The following FZD6 variants were observed in gnomAD, a reference collection of about 807,000 sequenced individuals.
FZD6 encodes frizzled class receptor 6.
Under a neutral mutation model 61.4 loss-of-function variants are expected in FZD6, and 49 were observed. The ratio of observed to expected loss-of-function variants is 0.80; its 90% CI spans 0.63 to 1.01. The LOEUF (loss-of-function observed/expected upper bound fraction) is 1.01. Among genes scored for constraint, FZD6 ranks in the 50% least tolerant of loss-of-function variants. The probability of loss-of-function intolerance (pLI) is 0.00; values close to 1 mark genes in which losing one functional copy is unlikely to be tolerated. For missense variants in FZD6, 724 were observed against 848.2 expected (o/e 0.85, Z 1.82); for synonymous variants, 265 against 292.2 (o/e 0.91, Z 0.95).
At chr8:103,319,350 G>C (rs746701443) in intron 3 of FZD6, among the ~76,000 whole-genome samples, 3 of 152,136 alleles carry the variant, frequency 2.0e-5, no homozygotes, top group Non-Finnish European at 4.4e-5. Flanking sequence ...TGCAAGATAA[G>C]GAAAGAGAGA....
chr8:103,315,291 T>C (rs914945663), intron 2 of FZD6, among the ~76,000 whole-genome samples: 24 of 152,322 alleles, frequency 1.6e-4, no homozygotes, highest in African/African-American at 5.8e-4. Context: ...ATTTAAAGTC[T>C]CACTTCTACG....
At position 103,331,638 on chromosome 8, in the gene FZD6, G is replaced by T; in HGVS notation, c.*129G>T. 1 of 708,290 alleles carries T rather than the reference G, an allele frequency of 1.4e-6. No individual in the cohort carries two copies. Among genetic ancestry groups the T allele is most frequent in the South Asian group, 1.5e-5 (1 of 64,988 alleles). 43.9% of individuals were successfully genotyped at this position (708,290 alleles called of 1,614,324 possible). ...AGTTGCATTGCCTACTGTTATACTGGAAAAAATAGAGTTCAAGAATAATAT... is the reference window on the plus strand; with the variant it reads ...AGTTGCATTGCCTACTGTTATACTGTAAAAAATAGAGTTCAAGAATAATAT... On this transcript the variant is annotated 3_prime_UTR_variant, in exon 7 of 7. Coordinates refer to ENST00000358755, the MANE Select transcript of FZD6 (RefSeq NM_003506.4).
Position 103,329,838 on chromosome 8 carries a change from T to G in FZD6, c.1725T>G (p.Ile575Met), listed in dbSNP as rs1815069330. Residue 575 changes from isoleucine to methionine, a missense_variant, in exon 6 of 7, where the codon ATT (isoleucine) becomes ATG (methionine). Ile to Met is a conservative substitution (Grantham distance 10). Coordinates refer to ENST00000358755, the MANE Select transcript of FZD6 (RefSeq NM_003506.4). ...TANHGTSAVA[I>M]TSHDYLGQET... is the part of the protein sequence containing the mutation. ...ATCATGGCACTTCTGCAGTAGCAATTACTAGCCATGATTACCTAGGACAAG... is the reference window on the plus strand; with the variant it reads ...ATCATGGCACTTCTGCAGTAGCAATGACTAGCCATGATTACCTAGGACAAG... 1 of 1,613,812 alleles carries G rather than the reference T, an allele frequency of 6.2e-7. No individual in the cohort carries two copies. The highest frequency in any genetic ancestry group is 8.5e-7 in the Non-Finnish European group (1 of 1,179,688).
Position 103,306,494 on chromosome 8 carries a change from C to CT in FZD6, c.177+6237dup, listed in dbSNP as rs71292793. 9.3e-3 allele frequency among the ~76,000 whole-genome samples: 610 copies of CT among 65,242 alleles called. 67 individuals are homozygous for CT. The highest frequency in any genetic ancestry group is 0.023 in the African/African-American group (373 of 16,138). 42.8% of individuals were successfully genotyped at this position (65,242 alleles called of 152,430 possible). ...CCTGTTGTTTTGCTAAGGTTCATCA[C>CT]TTTTTTTTTTTTTTTTTTTTTTTTT... On this transcript the variant is annotated intron_variant, in intron 2 of 6. Coordinates refer to ENST00000358755, the MANE Select transcript of FZD6 (RefSeq NM_003506.4).
At position 103,325,129 on chromosome 8, in the gene FZD6, G is replaced by T. The variant is rs1215635668; in HGVS notation, c.1023G>T (p.Met341Ile). 1 of 1,614,150 alleles carries T rather than the reference G, an allele frequency of 6.2e-7. No homozygotes were observed. The highest frequency in any genetic ancestry group is 8.5e-7 in the Non-Finnish European group (1 of 1,179,994). The change falls in exon 4 of 7, where the codon ATG becomes ATT. Residue 341 changes from methionine (M) to isoleucine (I), a missense_variant. Coordinates refer to ENST00000358755, the MANE Select transcript of FZD6 (RefSeq NM_003506.4). Reference sequence around the variant, plus strand: ...GAACACCAGGTTTCCTGACTGTTATGCTTCTTGCTATGAACAAAGTTGAAG... The same window carrying T: ...GAACACCAGGTTTCCTGACTGTTATTCTTCTTGCTATGAACAAAGTTGAAG... ...AWGTPGFLTVMLLAMNKVEGD... is the reference protein window; with the variant it reads ...AWGTPGFLTVILLAMNKVEGD...
At chr8:103,319,210 A>T (rs1312791356) in intron 3 of FZD6, among the ~76,000 whole-genome samples, 1 of 152,160 alleles carries the variant, frequency 6.6e-6, no homozygotes, top group Admixed American at 6.5e-5. Context: ...AGGGAAGAGC[A>T]TTTCGGGCAG....
intron 2 of FZD6, chr8:103,307,981 G>A (rs1814388601): frequency 2.2e-6 from 1 of 455,460 alleles, no homozygotes; most frequent in African/African-American, 2.0e-5. Context: ...TAGATAGTTG[G>A]TTGATCCTGC....
intron 2 of FZD6, 77 bp downstream of exon 2, chr8:103,300,361 T>G: frequency 9.3e-7 from 1 of 1,074,740 alleles, no homozygotes; most frequent in Non-Finnish European, 1.5e-6. Context: ...ATAAGTCTAT[T>G]TTTAAACAGA....
In FZD6 at chr8:103,302,520, A is replaced by G. The variant is rs1468211730; in HGVS notation, c.177+2236A>G. Among the ~76,000 whole-genome samples the G allele has an allele frequency of 2.0e-5, 3 of 152,326 alleles. No individual in the cohort carries two copies. The South Asian group carries it at 6.2e-4, about 32-fold the overall frequency. On this transcript the variant is annotated intron_variant, in intron 2 of 6. Transcript: ENST00000358755. ...TACAGATGAAGAAACTGAAACCCAG[A>G]AAAGCTGCGATTTGTCCCTTTGAGC... is the stretch of plus-strand genomic sequence containing the variant.
intron 6 of FZD6, 113 bp downstream of exon 6, chr8:103,330,178 T>G: frequency 1.0e-6 from 1 of 976,428 alleles, no homozygotes; most frequent in Non-Finnish European, 1.6e-6. Flanking sequence ...GTCTGTACTC[T>G]TACCCCAAGG....
At chr8:103,300,383 C>CA (rs1814126510) in intron 2 of FZD6, 99 bp downstream of exon 2, 3 of 909,136 alleles carry the variant, frequency 3.3e-6, no homozygotes, top group Non-Finnish European at 3.7e-6. Flanking sequence ...CCGATTTCTT[C>CA]AAGTTGTGTA....
At chr8:103,310,334 A>G (rs1371046531) in intron 2 of FZD6, among the ~76,000 whole-genome samples, 1 of 152,132 alleles carries the variant, frequency 6.6e-6, no homozygotes, top group African/African-American at 2.4e-5. Flanking sequence ...CAGTGGCACA[A>G]TCATAGCTCA....
chr8:103,323,183 A>G (rs1365212325), intron 3 of FZD6, among the ~76,000 whole-genome samples: 1 of 152,192 alleles, frequency 6.6e-6, no homozygotes, highest in Non-Finnish European at 1.5e-5. Flanking sequence ...AAAATGCTTG[A>G]GAGTAAACAC....
intron 2 of FZD6, among the ~76,000 whole-genome samples, chr8:103,304,787 T>C (rs1373864078): frequency 6.6e-6 from 1 of 152,230 alleles, no homozygotes; most frequent in Non-Finnish European, 1.5e-5. Flanking sequence ...GTGGACATTA[T>C]TGTGCATTCT....
chr8:103,317,212 A>C (rs550070557), intron 2 of FZD6, among the ~76,000 whole-genome samples: 7 of 152,222 alleles, frequency 4.6e-5, no homozygotes, highest in Non-Finnish European at 1.0e-4. Flanking sequence ...ACAGAAATAC[A>C]CATGGAACTA....
rs1399829071 is a variant in FZD6, at chr8:103,325,106, A to G, written c.1000A>G (p.Thr334Ala). The change falls in exon 4 of 7, where the codon ACA (threonine) becomes GCA (alanine). Residue 334 changes from threonine (T) to alanine (A), a missense_variant. Transcript: ENST00000358755. ...AVWFHAVAWG[T>A]PGFLTVMLLA... is the part of the protein sequence containing the mutation. The stretch of plus-strand genomic sequence containing the variant: ...GTGGTTTCATGCTGTTGCATGGGGA[A>G]CACCAGGTTTCCTGACTGTTATGCT... The G allele has an allele frequency of 1.2e-6, 2 of 1,614,196 alleles. No individual in the cohort carries two copies. Among genetic ancestry groups the G allele is most frequent in the Admixed American group, 1.7e-5 (1 of 60,028 alleles).
At chr8:103,314,285 A>G (rs1814573373) in intron 2 of FZD6, among the ~76,000 whole-genome samples, 1 of 152,216 alleles carries the variant, frequency 6.6e-6, no homozygotes, top group Non-Finnish European at 1.5e-5. Context: ...AGAATTAAAT[A>G]AACATAGTGT....
At chr8:103,312,831 G>A (rs3808558) in intron 2 of FZD6, among the ~76,000 whole-genome samples, 14,461 of 152,178 alleles carry the variant, frequency 0.095, 1,166 homozygotes, top group African/African-American at 0.22. Flanking sequence ...CGCATCATCT[G>A]GAATGTGATC....
At chr8:103,304,625 A>G (rs1384343740) in intron 2 of FZD6, among the ~76,000 whole-genome samples, 1 of 152,246 alleles carries the variant, frequency 6.6e-6, no homozygotes, top group Non-Finnish European at 1.5e-5. Context: ...AAGCAGTCAG[A>G]CAATATGCCA....
Sources: gnomAD v4.1 joint callset for allele counts (sites outside exome capture counted in the v4.1 genomes callset) on GRCh38, gnomAD v4.1.1 for gene constraint, MANE v1.5 for transcripts, NCBI Gene and HGNC (gene_info 2026-07-23, HGNC 2026-07-21) for gene names.